The following MICU2 variants were observed in gnomAD, a reference collection of about 807,000 sequenced individuals.
MICU2 encodes the protein mitochondrial calcium uptake 2.
In MICU2, 64 loss-of-function variants were observed where a neutral mutation model predicts 60.4. That is an observed-to-expected ratio of 1.06 (90% CI 0.87 to 1.31). MICU2 has a LOEUF of 1.31. MICU2 is among the 50% of genes most tolerant of loss of function. The pLI is 0.00. For missense variants in MICU2, 569 were observed against 531.0 expected (o/e 1.07, Z -0.70); for synonymous variants, 201 against 175.0 (o/e 1.15, Z -1.17).
intron 2 of MICU2, among the ~76,000 whole-genome samples, chr13:21,541,201 G>A (rs1185223335): frequency 6.6e-6 from 1 of 151,946 alleles, no homozygotes; most frequent in African/African-American, 2.4e-5. Flanking sequence ...ATTTCTAAGG[G>A]GTGTTATCTG....
At chr13:21,533,920 G>C (rs1374594416) in intron 4 of MICU2, among the ~76,000 whole-genome samples, 2 of 151,968 alleles carry the variant, frequency 1.3e-5, no homozygotes, top group African/African-American at 4.8e-5. Flanking sequence ...CAAATATTTT[G>C]ATAAAGAGGA....
At chr13:21,536,728 G>T (rs1887139323) in intron 4 of MICU2, among the ~76,000 whole-genome samples, 1 of 152,180 alleles carries the variant, frequency 6.6e-6, no homozygotes, top group African/African-American at 2.4e-5. Context: ...CACTGATTTA[G>T]AAATTACATT....
At chr13:21,593,780 G>C (rs921676436) in intron 1 of MICU2, among the ~76,000 whole-genome samples, 1 of 152,110 alleles carries the variant, frequency 6.6e-6, no homozygotes, top group African/African-American at 2.4e-5. Flanking sequence ...AAGCAATGGG[G>C]AAAGGATTAC....
intron 1 of MICU2, among the ~76,000 whole-genome samples, chr13:21,576,055 A>G (rs996307083): frequency 1.3e-5 from 2 of 152,252 alleles, no homozygotes; most frequent in African/African-American, 2.4e-5. Flanking sequence ...TTAGAGCAGA[A>G]GTATGAAAGG....
At chr13:21,577,896 T>C (rs1237854814) in intron 1 of MICU2, among the ~76,000 whole-genome samples, 3 of 151,458 alleles carry the variant, frequency 2.0e-5, no homozygotes, top group Non-Finnish European at 4.4e-5. Flanking sequence ...GGAGGATCAC[T>C]TGAGCTTACG....
chr13:21,540,425 C>A (rs1887253751), intron 2 of MICU2, among the ~76,000 whole-genome samples: 1 of 152,094 alleles, frequency 6.6e-6, no homozygotes, highest in Non-Finnish European at 1.5e-5. Context: ...TTACTTATTG[C>A]TCTCAAAATT....
rs914062113 is a variant in MICU2, at chr13:21,492,772, G to A, written c.*477C>T. 6.6e-6 allele frequency: 1 copy of A among 152,336 alleles called. No individual in the cohort carries two copies. The highest frequency in any genetic ancestry group is 1.5e-5 in the Non-Finnish European group (1 of 68,078). 9.4% of individuals were successfully genotyped at this position (152,336 alleles called of 1,614,324 possible). A position where few individuals can be genotyped will look rare whatever the true frequency, so the allele number is the denominator to read the frequency against. On this transcript the variant is annotated 3_prime_UTR_variant, in exon 12 of 12. Transcript: ENST00000382374. The stretch of plus-strand genomic sequence containing the variant: ...CATGTTATTTTAAAGACAATAAACA[G>A]CTAAGCTACTGACATAAAATATGCA...
intron 6 of MICU2, among the ~76,000 whole-genome samples, chr13:21,516,475 T>C (rs1886574012): frequency 1.3e-5 from 2 of 152,230 alleles, no homozygotes; most frequent in Admixed American, 1.3e-4. Context: ...TGTTGATAGG[T>C]GTTTTCATGG....
Position 21,539,639 on chromosome 13 carries a change from C to T in MICU2, c.390+18G>A. 1.9e-6 allele frequency: 3 copies of T among 1,614,044 alleles called. No homozygotes were observed. Among genetic ancestry groups the T allele is most frequent in the Middle Eastern group, 1.6e-4 (1 of 6,062 alleles). Reference sequence around the variant, plus strand: ...TCTTACCAAAAACAAACCCTGCCCCCCACAACATGATGCTTACCTTTTTTG... The same window carrying T: ...TCTTACCAAAAACAAACCCTGCCCCTCACAACATGATGCTTACCTTTTTTG... On this transcript the variant is annotated intron_variant, in intron 3 of 11. Transcript: ENST00000382374.
chr13:21,568,059 T>C (rs1888025177), intron 1 of MICU2, among the ~76,000 whole-genome samples: 1 of 152,210 alleles, frequency 6.6e-6, no homozygotes, highest in Non-Finnish European at 1.5e-5. Context: ...GAGACACTGC[T>C]CTAACCTGGA....
chr13:21,591,010 A>G (rs1011532423), intron 1 of MICU2, among the ~76,000 whole-genome samples: 2 of 152,236 alleles, frequency 1.3e-5, no homozygotes, highest in Admixed American at 6.5e-5. Flanking sequence ...CATCATGATG[A>G]CAGGATCAAA....
rs1204360970 is a variant in MICU2 at position 21,603,995 on chromosome 13, G to A, written c.154C>T (p.His52Tyr). ...AALAGAGAAW[H>Y]HSRVSVAARD... is the part of the protein sequence containing the mutation. ...GCCGCAACACTGACGCGGCTGTGGT[G>A]CCAGGCCGCTCCTGCTCCTGCCAGG... The change falls in exon 1 of 12, where the codon CAC (histidine) becomes TAC (tyrosine). Residue 52 changes from histidine (H) to tyrosine (Y), a missense_variant. His to Tyr is a moderately conservative substitution (Grantham distance 83). Transcript: ENST00000382374. 1.2e-6 allele frequency: 2 copies of A among 1,611,602 alleles called. No individual in the cohort carries two copies. The highest frequency in any genetic ancestry group is 1.7e-6 in the Non-Finnish European group (2 of 1,179,498).
At chr13:21,579,602 A>G (rs1888303718) in intron 1 of MICU2, among the ~76,000 whole-genome samples, 1 of 152,160 alleles carries the variant, frequency 6.6e-6, no homozygotes, top group Non-Finnish European at 1.5e-5. Flanking sequence ...TCAGCCTCCC[A>G]AAGTGCTGGG....
intron 2 of MICU2, among the ~76,000 whole-genome samples, chr13:21,563,432 G>A (rs1054601165): frequency 1.3e-4 from 19 of 150,750 alleles, no homozygotes; most frequent in African/African-American, 4.4e-4. Context: ...TCCAGCCTGG[G>A]CTATAGAGTG....
chr13:21,514,505 A>G, intron 6 of MICU2, 87 bp from the exon 7 acceptor site: 1 of 894,976 alleles, frequency 1.1e-6, no homozygotes, highest in Admixed American at 2.2e-5. Context: ...TTATTGTTAT[A>G]AAATATATAC....
intron 4 of MICU2, chr13:21,531,367 T>G: frequency 2.3e-6 from 3 of 1,323,972 alleles, no homozygotes; most frequent in Non-Finnish European, 3.2e-6. Context: ...TTATTTTTTA[T>G]TAAGGGACCC....
intron 4 of MICU2, among the ~76,000 whole-genome samples, chr13:21,526,113 C>CTTTTT (rs34999871): frequency 9.0e-6 from 1 of 110,572 alleles, no homozygotes; most frequent in Non-Finnish European, 1.9e-5. Flanking sequence ...AATTAAAATA[C>CTTTTT]TTTTTTTTTT....
chr13:21,524,868 C>T (rs1056662796), intron 4 of MICU2, among the ~76,000 whole-genome samples: 17 of 152,134 alleles, frequency 1.1e-4, no homozygotes, highest in African/African-American at 3.6e-4. Flanking sequence ...ATGAATCATA[C>T]GATATTTGTC....
chr13:21,495,352 T>C (rs373667284), intron 10 of MICU2, 34 bp from the exon 11 acceptor site: 180 of 1,502,232 alleles, frequency 1.2e-4, no homozygotes, highest in Non-Finnish European at 1.4e-4. Flanking sequence ...TTATCAACTA[T>C]GTGAAATAGT....
Sources: gnomAD v4.1 joint callset for allele counts (sites outside exome capture counted in the v4.1 genomes callset) on GRCh38, gnomAD v4.1.1 for gene constraint, MANE v1.5 for transcripts, NCBI Gene and HGNC (gene_info 2026-07-23, HGNC 2026-07-21) for gene names.